SGCD: variants seen among roughly 807,000 people sequenced by gnomAD.
SGCD encodes sarcoglycan delta.
In SGCD, 18 loss-of-function variants were observed where a neutral mutation model predicts 36.6. The ratio of observed to expected loss-of-function variants is 0.49; its 90% CI spans 0.34 to 0.73. The LOEUF (loss-of-function observed/expected upper bound fraction) is 0.73, where lower values mean the gene tolerates loss of function less well. Ranked by LOEUF, SGCD falls within the 30% of genes least tolerant of loss-of-function variation. SGCD has a pLI of 0.01. For missense variants in SGCD, 387 were observed against 346.7 expected (o/e 1.12, Z -0.92); for synonymous variants, 133 against 130.6 (o/e 1.02, Z -0.12).
intron 3 of SGCD, among the ~76,000 whole-genome samples, chr5:156,229,016 T>C (rs1207634644): frequency 1.3e-5 from 2 of 151,734 alleles, no homozygotes; most frequent in Non-Finnish European, 2.9e-5. Context: ...GCAACTAGAA[T>C]ATAAGCAGGC....
chr5:156,104,962 A>C lies in SGCD; in HGVS notation c.-281-12916A>C, dbSNP rs1431379605. 2.6e-5 allele frequency among the ~76,000 whole-genome samples: 4 copies of C among 152,276 alleles called. No individual in the cohort carries two copies. The East Asian group carries it at 7.7e-4, about 29-fold the overall frequency. On this transcript the variant is annotated intron_variant, in intron 1 of 9. Transcript: ENST00000517913. Reference sequence around the variant, plus strand: ...AGTTGAACAATGAGAACACGTGGACACAGGAAGGGGAACATCACACACTGG... The same window carrying C: ...AGTTGAACAATGAGAACACGTGGACCCAGGAAGGGGAACATCACACACTGG...
At chr5:156,611,901 G>C (rs1376271504) in intron 6 of SGCD, among the ~76,000 whole-genome samples, 1 of 151,982 alleles carries the variant, frequency 6.6e-6, no homozygotes. Flanking sequence ...TTCATTTATT[G>C]AATTTTTCAA....
At chr5:155,823,737 G>C in the SGCD span, among the ~76,000 whole-genome samples, 1 of 152,196 alleles carries the variant, frequency 6.6e-6, no homozygotes, top group African/African-American at 2.4e-5. Flanking sequence ...AGTTTAAATA[G>C]TAAGCAGTAG....
chr5:156,090,788 G>A (rs1043500300), intron 1 of SGCD, among the ~76,000 whole-genome samples: 2 of 152,132 alleles, frequency 1.3e-5, no homozygotes, highest in Non-Finnish European at 2.9e-5. Flanking sequence ...CCCTGGGAAT[G>A]CATTCCTTCC....
chr5:156,207,502 G>A (rs1245222871), intron 3 of SGCD, among the ~76,000 whole-genome samples: 1 of 152,128 alleles, frequency 6.6e-6, no homozygotes, highest in East Asian at 1.9e-4. Flanking sequence ...TTAACCCACA[G>A]CACTTCCATA....
At chr5:155,878,593 T>G (rs1755813970) in intron 1 of SGCD, among the ~76,000 whole-genome samples, 1 of 152,112 alleles carries the variant, frequency 6.6e-6, no homozygotes, top group Non-Finnish European at 1.5e-5. Flanking sequence ...TACTCAAGAC[T>G]TTTTGGAATA....
chr5:156,003,163 A>G (rs189071919), intron 1 of SGCD, among the ~76,000 whole-genome samples: 19 of 152,250 alleles, frequency 1.2e-4, no homozygotes, highest in Admixed American at 1.0e-3. Context: ...GGATGCTATT[A>G]TTTTCCTCCA....
At chr5:156,215,040 C>G (rs1367004154) in intron 3 of SGCD, among the ~76,000 whole-genome samples, 1 of 152,022 alleles carries the variant, frequency 6.6e-6, no homozygotes, top group Admixed American at 6.6e-5. Context: ...ACCTCAAAAT[C>G]TGAAACTTTT....
intron 3 of SGCD, among the ~76,000 whole-genome samples, chr5:156,239,584 GA>G (rs959649285): frequency 2.6e-4 from 40 of 152,110 alleles, no homozygotes; most frequent in Admixed American, 1.1e-3. Context: ...CTACATTACA[GA>G]AAAAAATATT....
intron 1 of SGCD, among the ~76,000 whole-genome samples, chr5:155,997,428 G>A (rs1758574501): frequency 6.6e-6 from 1 of 152,196 alleles, no homozygotes; most frequent in Admixed American, 6.5e-5. Flanking sequence ...AGTGACTACA[G>A]TATCCACCAG....
intron 4 of SGCD, among the ~76,000 whole-genome samples, chr5:156,513,985 G>A (rs1757049701): frequency 6.6e-6 from 1 of 152,190 alleles, no homozygotes; most frequent in African/African-American, 2.4e-5. Flanking sequence ...GAATGCATTA[G>A]CACAAAAGGT....
intron 1 of SGCD, among the ~76,000 whole-genome samples, chr5:155,934,984 T>C (rs1210833690): frequency 2.0e-5 from 3 of 152,174 alleles, no homozygotes; most frequent in Non-Finnish European, 4.4e-5. Context: ...TAGACAACTG[T>C]TGATGCAAGC....
chr5:156,289,613 T>A (rs1766705663), intron 3 of SGCD, among the ~76,000 whole-genome samples: 2 of 151,996 alleles, frequency 1.3e-5, no homozygotes, highest in South Asian at 4.1e-4. Flanking sequence ...TTTTATTTTA[T>A]TTTTGGCTGT....
chr5:156,513,049 T>C (rs540155442), intron 4 of SGCD, among the ~76,000 whole-genome samples: 22 of 152,082 alleles, frequency 1.4e-4, no homozygotes, highest in Non-Finnish European at 2.6e-4. Context: ...GAGAACAGAA[T>C]AGAGAATAAC....
At chr5:156,322,714 C>T (rs1767704479), upstream of SGCD, among the ~76,000 whole-genome samples, 1 of 152,138 alleles carries the variant, frequency 6.6e-6, no homozygotes, top group South Asian at 2.1e-4. Flanking sequence ...AGCTTTTCTT[C>T]AATCTCCTAA....
rs565901937 is a variant in SGCD at position 156,162,074 on chromosome 5, A to G, written c.-44+38055A>G. On this transcript the variant is annotated intron_variant, in intron 3 of 9. Transcript: ENST00000517913. ...TTCTCTAGGAAACAGAATGTGTGAC[A>G]GAATTTACCTGCTAATGAGTTTGTA... Among the ~76,000 whole-genome samples, 9 of 145,250 alleles carry G rather than the reference A, an allele frequency of 6.2e-5. No individual in the cohort carries two copies. The East Asian group carries it at 2.0e-3, about 32-fold the overall frequency.
intron 4 of SGCD, among the ~76,000 whole-genome samples, chr5:156,523,326 T>C (rs1344046676): frequency 6.6e-6 from 1 of 152,176 alleles, no homozygotes; most frequent in East Asian, 1.9e-4. Flanking sequence ...GAAATGCATG[T>C]TGAACTCATG....
At chr5:156,001,769 G>C (rs936547697) in intron 1 of SGCD, among the ~76,000 whole-genome samples, 1 of 152,212 alleles carries the variant, frequency 6.6e-6, no homozygotes, top group Non-Finnish European at 1.5e-5. Flanking sequence ...TGACTGATTT[G>C]AGTTAAAATA....
intron 6 of SGCD, among the ~76,000 whole-genome samples, chr5:156,603,462 T>C (rs1761283439): frequency 6.6e-6 from 1 of 152,004 alleles, no homozygotes; most frequent in Non-Finnish European, 1.5e-5. Flanking sequence ...TCTACCAACT[T>C]TGGGTTTTGT....
Sources: allele counts gnomAD v4.1 joint callset (sites outside exome capture counted in the v4.1 genomes callset), GRCh38; gene constraint gnomAD v4.1.1; transcripts MANE v1.5; gene names NCBI Gene and HGNC (gene_info 2026-07-23, HGNC 2026-07-21).